SLC17A1: variants seen among roughly 807,000 people sequenced by gnomAD.
The protein encoded by SLC17A1 is solute carrier family 17 member 1.
In SLC17A1, 51 loss-of-function variants were observed where a neutral mutation model predicts 53.5. The observed-to-expected ratio is 0.95, with a 90% CI of 0.76 to 1.20. SLC17A1 has a LOEUF of 1.20. Among genes scored for constraint, SLC17A1 ranks in the 50% most tolerant of loss-of-function variants. The pLI is 0.00. For synonymous variants in SLC17A1, 179 were observed against 198.8 expected, an observed-to-expected ratio of 0.90 and a Z score of 0.84; for missense variants, 538 against 568.2, an observed-to-expected ratio of 0.95 and a Z score of 0.54.
chr6:25,786,326 C>T (rs1048320555), intron 12 of SLC17A1, among the ~76,000 whole-genome samples: 1 of 152,062 alleles, frequency 6.6e-6, no homozygotes, highest in African/African-American at 2.4e-5. Flanking sequence ...TTTGGGTGGG[C>T]CCATGGGTCA....
the SLC17A1 span, chr6:25,773,364 A>G: frequency 6.2e-7 from 1 of 1,613,928 alleles, no homozygotes; most frequent in Non-Finnish European, 8.5e-7. Flanking sequence ...TGGTGAGAAG[A>G]GATACATTGT....
Position 25,819,589 on chromosome 6 carries a change from C to T in SLC17A1, c.451G>A (p.Ala151Thr). The T allele has an allele frequency of 6.2e-7, 1 of 1,613,972 alleles. No homozygotes were observed. Among genetic ancestry groups the T allele is most frequent in the Non-Finnish European group, 8.5e-7 (1 of 1,179,854 alleles). Residue 151 changes from alanine to threonine, a missense_variant, in exon 5 of 13, where the codon GCA (alanine) becomes ACA (threonine). Transcript: ENST00000244527. ...ACATATATTTCAAACTGGGCTGTTG[C>T]AACTATCCCCTGAAATGAGAAAGGT... ...AVQGAAQGIV[A>T]TAQFEIYVKW...
intron 12 of SLC17A1, among the ~76,000 whole-genome samples, chr6:25,795,031 G>A (rs1332127807): frequency 1.1e-4 from 16 of 152,168 alleles, no homozygotes. Context: ...ACAGCCCTGA[G>A]GATACAGGTT....
the SLC17A1 span, chr6:25,768,930 G>T: frequency 4.7e-6 from 7 of 1,488,642 alleles, no homozygotes; most frequent in African/African-American, 9.7e-5. Context: ...CCAGACTTAG[G>T]GAGAGTGGGA....
At chr6:25,726,765 T>G in the SLC17A1 span, 1 of 1,164,838 alleles carries the variant, frequency 8.6e-7, no homozygotes, top group African/African-American at 1.5e-5. Flanking sequence ...GCATCTTTCA[T>G]CCTCCAGTTC....
intron 12 of SLC17A1, among the ~76,000 whole-genome samples, chr6:25,788,568 G>A (rs779713269): frequency 1.3e-5 from 2 of 152,214 alleles, no homozygotes; most frequent in Non-Finnish European, 2.9e-5. Context: ...TGCAGAGGGT[G>A]TCTGAGCTGG....
chr6:25,762,339 C>G, the SLC17A1 span, among the ~76,000 whole-genome samples: 1 of 151,948 alleles, frequency 6.6e-6, no homozygotes, highest in African/African-American at 2.4e-5. Flanking sequence ...ATATAGAAAC[C>G]AACCTTGGCT....
chr6:25,770,278 G>T, the SLC17A1 span: 1 of 1,614,022 alleles, frequency 6.2e-7, no homozygotes, highest in South Asian at 1.1e-5. Context: ...ATTGTCCTCC[G>T]GATTGTACAA....
chr6:25,830,024 C>G (rs574460943), intron 2 of SLC17A1, among the ~76,000 whole-genome samples: 2 of 152,268 alleles, frequency 1.3e-5, no homozygotes, highest in Non-Finnish European at 2.9e-5. Context: ...TATCGCTCAT[C>G]TCCTTTTCTG....
the SLC17A1 span, chr6:25,754,916 G>C: frequency 1.3e-5 from 2 of 152,188 alleles, no homozygotes; most frequent in African/African-American, 2.4e-5. Flanking sequence ...GAATGCCTGT[G>C]TCCTGAGATA....
At chr6:25,731,685 TATA>T in the SLC17A1 span, 1 of 824,388 alleles carries the variant, frequency 1.2e-6, no homozygotes, top group Non-Finnish European at 1.8e-6. Flanking sequence ...AGGCATACTC[TATA>T]ATAAAATAAA....
chr6:25,744,203 C>A, the SLC17A1 span, among the ~76,000 whole-genome samples: 1 of 152,080 alleles, frequency 6.6e-6, no homozygotes, highest in Non-Finnish European at 1.5e-5. Flanking sequence ...GAGATTGGAA[C>A]CTCTAATTTA....
the SLC17A1 span, among the ~76,000 whole-genome samples, chr6:25,725,646 GTGC>G: frequency 2.0e-5 from 3 of 152,120 alleles, no homozygotes; most frequent in African/African-American, 7.2e-5. Context: ...CCAGACTGGA[GTGC>G]AGTGGAGCAA....
intron 3 of SLC17A1, 47 bp downstream of exon 3, chr6:25,826,414 A>G: frequency 6.9e-7 from 1 of 1,457,470 alleles, no homozygotes; most frequent in Non-Finnish European, 9.3e-7. Context: ...ATTAGTTAGC[A>G]AGACAGGCTT....
chr6:25,792,370 G>C (rs1763520703), intron 12 of SLC17A1, among the ~76,000 whole-genome samples: 2 of 152,232 alleles, frequency 1.3e-5, no homozygotes, highest in South Asian at 4.1e-4. Flanking sequence ...GCTCACGCCT[G>C]TAATCCCAGC....
At chr6:25,794,874 C>A (rs553390760) in intron 12 of SLC17A1, among the ~76,000 whole-genome samples, 191 of 152,320 alleles carry the variant, frequency 1.3e-3, no homozygotes, top group Non-Finnish European at 2.3e-3. Flanking sequence ...GGCCATGATT[C>A]TGCCTTTTCT....
intron 12 of SLC17A1, among the ~76,000 whole-genome samples, chr6:25,786,285 A>G (rs1007852866): frequency 6.6e-6 from 1 of 152,234 alleles, no homozygotes; most frequent in African/African-American, 2.4e-5. Flanking sequence ...TAGACAAATT[A>G]TATCAATGGT....
rs983609271 is a variant in SLC17A1, at chr6:25,819,709, T to C, written c.414A>G (p.Val138=). ...GGGCTGCTCCCTGAACTGCTCGACATACAACGACCCAAGCTACTCCAATTC... is the reference window on the plus strand; with the variant it reads ...GGGCTGCTCCCTGAACTGCTCGACACACAACGACCCAAGCTACTCCAATTC... ...AAGIGVAWVV[V]CRAVQGAAQG... The change falls in exon 4 of 13, where the codon GTA becomes GTG. Residue 138 remains valine, a synonymous_variant. Coordinates refer to ENST00000244527, the MANE Select transcript of SLC17A1 (RefSeq NM_005074.5). The C allele has an allele frequency of 6.2e-7, 1 of 1,614,202 alleles. No homozygotes were observed. The highest frequency in any genetic ancestry group is 8.5e-7 in the Non-Finnish European group (1 of 1,180,022).
intron 12 of SLC17A1, among the ~76,000 whole-genome samples, chr6:25,790,614 T>C (rs1441752721): frequency 6.6e-6 from 1 of 152,136 alleles, no homozygotes; most frequent in East Asian, 1.9e-4. Context: ...AAGAAAAATA[T>C]GCAATCATCT....
Sources: allele counts gnomAD v4.1 joint callset (sites outside exome capture counted in the v4.1 genomes callset), GRCh38; gene constraint gnomAD v4.1.1; transcripts MANE v1.5; gene names NCBI Gene and HGNC (gene_info 2026-07-23, HGNC 2026-07-21).